NALF1: variants seen among roughly 807,000 people sequenced by gnomAD.
NALF1 encodes the protein NALCN channel auxiliary factor 1, also known as family with sequence similarity 155 member A.
NALF1 carries 3 observed loss-of-function variants against 48.4 expected under a neutral mutation model. The observed-to-expected ratio is 0.06, with a 90% confidence interval of 0.03 to 0.16. The LOEUF is 0.16. Ranked by LOEUF, NALF1 falls within the 10% of genes least tolerant of loss-of-function variation. The pLI is 1.00. For missense variants in NALF1, 526 were observed against 571.5 expected (o/e 0.92, Z 0.81); for synonymous variants, 262 against 245.7 (o/e 1.07, Z -0.62).
intron 1 of NALF1, among the ~76,000 whole-genome samples, chr13:107,680,872 G>GT (rs1881281527): frequency 1.8e-5 from 2 of 108,360 alleles, no homozygotes; most frequent in African/African-American, 5.6e-5. Flanking sequence ...GCAAATGTAA[G>GT]GGTGTGTGTG....
chr13:107,471,662 A>G (rs1885103168), intron 1 of NALF1, among the ~76,000 whole-genome samples: 1 of 152,224 alleles, frequency 6.6e-6, no homozygotes, highest in Non-Finnish European at 1.5e-5. Flanking sequence ...CTCAAAAATA[A>G]GCTCTCTAAT....
chr13:107,600,592 A>G (rs1878894376), intron 1 of NALF1, among the ~76,000 whole-genome samples: 1 of 152,208 alleles, frequency 6.6e-6, no homozygotes, highest in Non-Finnish European at 1.5e-5. Context: ...TCACATGTTT[A>G]TTGTGTATCA....
At position 107,866,393 on chromosome 13, in the gene NALF1, C is replaced by T. The variant is rs3742213; in HGVS notation, c.204G>A (p.Arg68=). The stretch of plus-strand genomic sequence containing the variant: ...GCTGCTGCTGCTGGTGCTCCTTGTC[C>T]CGGGCCCGGGTCAGCTTGGCCTCGG... The part of the protein sequence containing the change: ...FCAEAKLTRA[R]DKEHQQQQRQ... The change falls in exon 1 of 3, where the codon CGG becomes CGA. Residue 68 remains arginine, a synonymous_variant. Transcript: ENST00000375915. This position sits in a 1 kb window ranked among gnomAD's most constrained non-coding sequence, Gnocchi z 4.4. 1,942 of 1,613,844 alleles carry T rather than the reference C, an allele frequency of 1.2e-3. 17 individuals carry two copies. The East Asian group carries it at 0.017, about 14-fold the overall frequency.
intron 1 of NALF1, among the ~76,000 whole-genome samples, chr13:107,753,510 T>TA (rs1023047692): frequency 6.6e-6 from 1 of 150,884 alleles, no homozygotes; most frequent in Non-Finnish European, 1.5e-5. Context: ...TTTTTTTTTT[T>TA]ATCTTCAAGG....
intron 1 of NALF1, among the ~76,000 whole-genome samples, chr13:107,321,992 T>C (rs1246983411): frequency 6.6e-6 from 1 of 152,152 alleles, no homozygotes. Context: ...TTCATACCCA[T>C]ACCACCCACC....
At position 107,837,095 on chromosome 13, in the gene NALF1, C is replaced by T. The variant is rs560915726; in HGVS notation, c.915+28587G>A. Among the ~76,000 whole-genome samples the T allele has an allele frequency of 5.9e-5, 9 of 152,268 alleles. No homozygotes were observed. In the South Asian group the frequency reaches 1.2e-3, roughly 21 times the overall value. ...GATAGAGCTTGGATGCATGTTCATA[C>T]GGGCATGCTTTCCACCAGCTACCGG... On this transcript the variant is annotated intron_variant, in intron 1 of 2. Coordinates refer to ENST00000375915, the MANE Select transcript of NALF1 (RefSeq NM_001080396.3).
rs558286327 is a variant in NALF1 at position 107,331,468 on chromosome 13, G to T, written c.916-120713C>A. 1.3e-3 allele frequency among the ~76,000 whole-genome samples: 192 copies of T among 152,254 alleles called. 1 individual carries two copies. The highest frequency in any genetic ancestry group is 3.4e-3 in the Middle Eastern group (1 of 294). ...GTCTCACCGCTGTGTTTCACAACTG[G>T]AGAAACAGAGGTCCACAAAAATTAA... On this transcript the variant is annotated intron_variant, in intron 1 of 2. Transcript: ENST00000375915.
chr13:107,496,847 C>T (rs1196294982), intron 1 of NALF1, among the ~76,000 whole-genome samples: 1 of 152,118 alleles, frequency 6.6e-6, no homozygotes, highest in Non-Finnish European at 1.5e-5. Context: ...GTCATTAGAT[C>T]TTGTGAGACT....
intron 1 of NALF1, among the ~76,000 whole-genome samples, chr13:107,316,518 T>C (rs1313263467): frequency 6.6e-6 from 1 of 152,182 alleles, no homozygotes; most frequent in East Asian, 1.9e-4. Context: ...CCACCAACAG[T>C]GTAAAAGTGT....
intron 1 of NALF1, among the ~76,000 whole-genome samples, chr13:107,754,355 A>G (rs1300714822): frequency 4.6e-4 from 1 of 2,162 alleles, no homozygotes; most frequent in East Asian, 0.013. Context: ...TACATTGTGA[A>G]CACACACACA....
chr13:107,573,288 T>G (rs1298655086), intron 1 of NALF1, among the ~76,000 whole-genome samples: 1 of 152,156 alleles, frequency 6.6e-6, no homozygotes. Flanking sequence ...TTTTTTATCT[T>G]GTACATTTTG....
intron 1 of NALF1, among the ~76,000 whole-genome samples, chr13:107,431,918 T>C (rs1884388466): frequency 6.6e-6 from 1 of 152,230 alleles, no homozygotes; most frequent in Non-Finnish European, 1.5e-5. Flanking sequence ...TTTGATGTCC[T>C]GCGGTGAACA....
rs1383572664 is a variant in NALF1 at position 107,168,753 on chromosome 13, A to G, written c.*1744T>C. On this transcript the variant is annotated 3_prime_UTR_variant, in exon 3 of 3. Transcript: ENST00000375915. ...AAAACAAAATATGCATACTGTACGC[A>G]TGTCGCAGGGTTAAGTATGATGCAG... 3 of 152,614 alleles carry G rather than the reference A, an allele frequency of 2.0e-5. No individual in the cohort carries two copies. The East Asian group carries it at 5.8e-4, about 29-fold the overall frequency. 9.5% of individuals were successfully genotyped at this position (152,614 alleles called of 1,614,324 possible). A position where few individuals can be genotyped will look rare whatever the true frequency, so the allele number is the denominator to read the frequency against.
At chr13:107,292,086 T>C (rs1010648264) in intron 1 of NALF1, among the ~76,000 whole-genome samples, 2 of 152,240 alleles carry the variant, frequency 1.3e-5, no homozygotes, top group African/African-American at 4.8e-5. Context: ...CCCTACTACA[T>C]TCCCAGGCTA....
intron 1 of NALF1, among the ~76,000 whole-genome samples, chr13:107,811,624 A>G (rs1422284776): frequency 6.6e-6 from 1 of 152,190 alleles, no homozygotes; most frequent in Non-Finnish European, 1.5e-5. Context: ...GTATATTTAT[A>G]CCTGTTTTAG....
At chr13:107,705,867 T>C (rs967809943) in intron 1 of NALF1, among the ~76,000 whole-genome samples, 7 of 152,142 alleles carry the variant, frequency 4.6e-5, no homozygotes, top group Non-Finnish European at 8.8e-5. Context: ...ACAGCTTATA[T>C]TTTGTCATAT....
intron 1 of NALF1, among the ~76,000 whole-genome samples, chr13:107,565,065 CAAA>C (rs71754551): frequency 8.6e-5 from 2 of 23,202 alleles, no homozygotes; most frequent in African/African-American, 3.6e-4. Context: ...GTGATATCTG[CAAA>C]AAAAAAAAAA....
chr13:107,335,857 A>G (rs1882546116), intron 1 of NALF1, among the ~76,000 whole-genome samples: 1 of 152,260 alleles, frequency 6.6e-6, no homozygotes, highest in South Asian at 2.1e-4. Flanking sequence ...TACTTTACTC[A>G]GAAATATAAC....
intron 1 of NALF1, among the ~76,000 whole-genome samples, chr13:107,414,080 C>T (rs1465846283): frequency 6.6e-6 from 1 of 152,190 alleles, no homozygotes; most frequent in African/African-American, 2.4e-5. Context: ...AGGCGTGAGC[C>T]ACTGCACCAG....
Sources: gnomAD v4.1 joint callset for allele counts (sites outside exome capture counted in the v4.1 genomes callset) on GRCh38, gnomAD v4.1.1 for gene constraint, Gnocchi (gnomAD v3.1) non-coding constraint, MANE v1.5 for transcripts, NCBI Gene and HGNC (gene_info 2026-07-23, HGNC 2026-07-21) for gene names.